ESRRG: variants seen among roughly 807,000 people sequenced by gnomAD.
ESRRG encodes the protein estrogen related receptor gamma, also known as estrogen-related receptor gamma.
ESRRG carries 13 observed loss-of-function variants against 44.0 expected under a neutral mutation model. The observed-to-expected ratio is 0.30, with a 90% CI of 0.19 to 0.47. The LOEUF (loss-of-function observed/expected upper bound fraction) is 0.47. Ranked by LOEUF, ESRRG falls within the 20% of genes least tolerant of loss-of-function variation. ESRRG has a pLI of 1.00. For missense variants in ESRRG, 395 were observed against 580.6 expected, an observed-to-expected ratio of 0.68 and a Z score of 3.29; for synonymous variants, 215 against 214.6, an observed-to-expected ratio of 1.00 and a Z score of -0.02.
At chr1:216,917,932 A>T (rs1021419509) in intron 2 of ESRRG, among the ~76,000 whole-genome samples, 9 of 152,234 alleles carry the variant, frequency 5.9e-5, no homozygotes, top group Non-Finnish European at 1.2e-4. Context: ...ATATTTTGCC[A>T]GATTTCCACT....
At chr1:217,073,381 C>G (rs565680599) in intron 1 of ESRRG, among the ~76,000 whole-genome samples, 12 of 152,200 alleles carry the variant, frequency 7.9e-5, no homozygotes, top group African/African-American at 2.9e-4. Flanking sequence ...CTACTGCACA[C>G]TGCAGCTTGG....
chr1:216,541,561 AGTGTGTGTGTGTGTGTGTGT>A (rs34245595), intron 5 of ESRRG, among the ~76,000 whole-genome samples: 10,244 of 130,408 alleles, frequency 0.079, 517 homozygotes, highest in East Asian at 0.21. Context: ...TCTTTTGGTT[AGTGTGTGTGTGTGTGTGTGT>A]GTGTGTGTGT....
At chr1:216,815,683 G>T (rs937366210) in intron 2 of ESRRG, among the ~76,000 whole-genome samples, 1 of 152,176 alleles carries the variant, frequency 6.6e-6, no homozygotes, top group Non-Finnish European at 1.5e-5. Context: ...TTTGTGTTCG[G>T]TTCAGCGCAG....
chr1:216,624,625 C>T (rs1005406589), intron 3 of ESRRG, among the ~76,000 whole-genome samples: 1 of 152,182 alleles, frequency 6.6e-6, no homozygotes, highest in Non-Finnish European at 1.5e-5. Context: ...TCAGTTTAGG[C>T]TATTCGTGAG....
At chr1:217,093,103 G>A (rs2092372968), upstream of ESRRG, among the ~76,000 whole-genome samples, 4 of 152,146 alleles carry the variant, frequency 2.6e-5, no homozygotes, top group South Asian at 8.3e-4. Flanking sequence ...AATTTTTGAT[G>A]TCAAGATATT....
chr1:216,876,530 G>T (rs758149899), intron 2 of ESRRG, among the ~76,000 whole-genome samples: 9 of 151,610 alleles, frequency 5.9e-5, no homozygotes, highest in Non-Finnish European at 1.3e-4. Context: ...TTTTCAGGGA[G>T]GTGGAAACAA....
At chr1:216,995,047 T>C (rs1417754593) in intron 1 of ESRRG, among the ~76,000 whole-genome samples, 1 of 152,144 alleles carries the variant, frequency 6.6e-6, no homozygotes, top group Non-Finnish European at 1.5e-5. Context: ...CTGGAAGCTT[T>C]TAGGAACACT....
intron 1 of ESRRG, among the ~76,000 whole-genome samples, chr1:217,009,546 C>T (rs945168481): frequency 2.0e-5 from 3 of 152,150 alleles, no homozygotes; most frequent in African/African-American, 7.2e-5. Context: ...CCATGATGTG[C>T]AGCTACTACA....
At chr1:216,679,586 A>G (rs1349053250) in intron 1 of ESRRG, among the ~76,000 whole-genome samples, 2 of 148,932 alleles carry the variant, frequency 1.3e-5, no homozygotes, top group Admixed American at 6.7e-5. Flanking sequence ...TAACTCTTTC[A>G]CCATCTGCCT....
chr1:217,036,154 A>G (rs924899012), intron 1 of ESRRG, among the ~76,000 whole-genome samples: 13 of 152,308 alleles, frequency 8.5e-5, no homozygotes, highest in African/African-American at 2.9e-4. Context: ...TAAAAAGTCA[A>G]AAAATAACAG....
intron 2 of ESRRG, among the ~76,000 whole-genome samples, chr1:216,665,325 T>A (rs2073632694): frequency 6.6e-6 from 1 of 152,106 alleles, no homozygotes; most frequent in South Asian, 2.1e-4. Context: ...TTGGTACACA[T>A]CCCCTGCAGA....
At chr1:216,909,138 G>T (rs1217976318) in intron 2 of ESRRG, among the ~76,000 whole-genome samples, 1 of 152,182 alleles carries the variant, frequency 6.6e-6, no homozygotes, top group Non-Finnish European at 1.5e-5. Context: ...CCAATGGTGT[G>T]ACTTTGTTGA....
chr1:216,728,376 T>C (rs1420374108), upstream of ESRRG, among the ~76,000 whole-genome samples: 1 of 152,126 alleles, frequency 6.6e-6, no homozygotes, highest in Non-Finnish European at 1.5e-5. Flanking sequence ...ACTTGAAAGA[T>C]GATTATGATA....
chr1:216,785,689 C>T (rs1270749454), intron 2 of ESRRG, among the ~76,000 whole-genome samples: 1 of 152,070 alleles, frequency 6.6e-6, no homozygotes, highest in Non-Finnish European at 1.5e-5. Flanking sequence ...AAAAGAAAAT[C>T]ACTGTTTGTT....
At chr1:217,080,633 TTTTGTTTG>T (rs200325050) in intron 1 of ESRRG, among the ~76,000 whole-genome samples, 46 of 151,310 alleles carry the variant, frequency 3.0e-4, no homozygotes, top group African/African-American at 1.0e-3. Flanking sequence ...TCTAGTGTTT[TTTTGTTTG>T]TTTGTTTGTT....
intron 2 of ESRRG, among the ~76,000 whole-genome samples, chr1:216,884,176 T>C (rs1424886158): frequency 1.3e-5 from 2 of 152,164 alleles, no homozygotes; most frequent in African/African-American, 4.8e-5. Context: ...GGAAACTAGG[T>C]TTGTCAATTT....
rs541892304 is a variant in ESRRG at position 216,788,800 on chromosome 1, G to A, written c.-13-111309C>T. On this transcript the variant is annotated intron_variant, in intron 2 of 7. Coordinates refer to the ESRRG transcript ENST00000359162. Reference sequence around the variant, plus strand: ...ACAGCATTTGTAATTTATGGGAGGAGGTCAAAATGTCAACATTAACAGGAA... The same window carrying A: ...ACAGCATTTGTAATTTATGGGAGGAAGTCAAAATGTCAACATTAACAGGAA... Among the ~76,000 whole-genome samples the A allele has an allele frequency of 1.2e-4, 18 of 152,222 alleles. No homozygotes were observed. In the South Asian group the frequency reaches 1.9e-3, roughly 16 times the overall value.
chr1:216,924,745 C>T (rs927432612), intron 2 of ESRRG, among the ~76,000 whole-genome samples: 3 of 152,248 alleles, frequency 2.0e-5, no homozygotes, highest in Non-Finnish European at 4.4e-5. Flanking sequence ...TTTGCAGCTC[C>T]AGCCACGGTG....
intron 1 of ESRRG, among the ~76,000 whole-genome samples, chr1:217,103,665 T>A (rs201584734): frequency 2.7e-4 from 2 of 7,510 alleles, no homozygotes; most frequent in Non-Finnish European, 1.6e-3. Flanking sequence ...CTCCAAAAAA[T>A]AATTAATTAA....
Sources: gnomAD v4.1 joint callset for allele counts (sites outside exome capture counted in the v4.1 genomes callset) on GRCh38, gnomAD v4.1.1 for gene constraint, MANE v1.5 for transcripts, NCBI Gene and HGNC (gene_info 2026-07-23, HGNC 2026-07-21) for gene names.